The following TRAP1 variants were observed in gnomAD, a reference collection of about 807,000 sequenced individuals.
The protein encoded by TRAP1 is TNF receptor associated protein 1.
In TRAP1, 102 loss-of-function variants were observed where a neutral mutation model predicts 89.1. That is an observed-to-expected ratio of 1.15 (90% CI 0.98 to 1.35). TRAP1 has a LOEUF of 1.35. Ranked by LOEUF, TRAP1 falls within the 40% of genes most tolerant of loss-of-function variation. TRAP1 has a pLI of 0.00. For synonymous variants in TRAP1, 508 were observed against 388.0 expected (o/e 1.31, Z -3.64); for missense variants, 1,256 against 945.3 (o/e 1.33, Z -4.31).
chr16:3,675,745 T>A (rs2151255991), intron 7 of TRAP1, among the ~76,000 whole-genome samples: 1 of 152,300 alleles, frequency 6.6e-6, no homozygotes, highest in East Asian at 1.9e-4. Context: ...GCCCACATCC[T>A]GGGACAGGAC....
intron 1 of TRAP1, among the ~76,000 whole-genome samples, chr16:3,705,788 T>G (rs1446617463): frequency 6.6e-6 from 1 of 152,060 alleles, no homozygotes; most frequent in African/African-American, 2.4e-5. Flanking sequence ...CAAGTGATTC[T>G]CCTGCCTCAG....
At chr16:3,666,248 C>G (rs2050827316) in intron 11 of TRAP1, 130 bp from the exon 12 acceptor site, 1 of 1,193,102 alleles carries the variant, frequency 8.4e-7, no homozygotes, top group Non-Finnish European at 1.1e-6. Flanking sequence ...CGTTATTGGC[C>G]AAACTGAAAA....
intron 1 of TRAP1, among the ~76,000 whole-genome samples, chr16:3,710,637 C>T (rs1163770793): frequency 6.6e-6 from 1 of 152,064 alleles, no homozygotes; most frequent in Non-Finnish European, 1.5e-5. Context: ...ATTCCATTGC[C>T]TGACAAATGC....
chr16:3,672,562 GACAC>G lies in TRAP1; in HGVS notation c.1165+134_1165+137del, dbSNP rs1200486978. 6 of 1,358,064 alleles carry G rather than the reference GACAC, an allele frequency of 4.4e-6. No individual in the cohort carries two copies. The South Asian group carries it at 4.5e-5, about 10-fold the overall frequency. 84.1% of individuals were successfully genotyped at this position (1,358,064 alleles called of 1,614,324 possible). A position where few individuals can be genotyped will look rare whatever the true frequency, so the allele number is the denominator to read the frequency against. On this transcript the variant is annotated intron_variant, in intron 10 of 17. Transcript: ENST00000246957. The stretch of plus-strand genomic sequence containing the variant: ...GCTCCCGGGGTCTGTAAACGCGACT[GACAC>G]ACAGGCAGCGCAGGCCGACGGCGGT...
intron 7 of TRAP1, among the ~76,000 whole-genome samples, chr16:3,675,782 G>A (rs897373523): frequency 6.6e-6 from 1 of 152,214 alleles, no homozygotes; most frequent in Non-Finnish European, 1.5e-5. Flanking sequence ...GTGCACTAAA[G>A]GCCAAGGGCC....
intron 1 of TRAP1, among the ~76,000 whole-genome samples, chr16:3,698,597 C>T (rs866706371): frequency 5.3e-5 from 8 of 151,854 alleles, no homozygotes; most frequent in Admixed American, 2.0e-4. Context: ...CCACCGCGCC[C>T]GGCTTCTACA....
At chr16:3,704,724 T>G (rs943436421) in intron 1 of TRAP1, among the ~76,000 whole-genome samples, 1 of 152,000 alleles carries the variant, frequency 6.6e-6, no homozygotes. Context: ...AAGGTTAAAT[T>G]AATTTCCAGC....
At chr16:3,676,805 C>T (rs971345100) in intron 6 of TRAP1, 1 of 152,664 alleles carries the variant, frequency 6.6e-6, no homozygotes, top group Admixed American at 6.5e-5. Context: ...TCTATAATCC[C>T]AGCACTTTGG....
At chr16:3,658,489 C>T in intron 17 of TRAP1, 1 of 575,674 alleles carries the variant, frequency 1.7e-6, no homozygotes, top group South Asian at 2.1e-5. Context: ...TGAGACCATC[C>T]TGGCCAAGAT....
Position 3,672,831 on chromosome 16 carries a change from G to A in TRAP1, c.1045-11C>T. 6.2e-7 allele frequency: 1 copy of A among 1,610,644 alleles called. No homozygotes were observed. The highest frequency in any genetic ancestry group is 8.5e-7 in the Non-Finnish European group (1 of 1,178,868). On this transcript the variant is annotated splice_polypyrimidine_tract_variant and intron_variant, in intron 9 of 17. Transcript: ENST00000246957. ...AAACATGGACGGTTTCTGGGGGTGA[G>A]GAGAACACGCCATCATGCAGCACTG...
chr16:3,710,954 T>A (rs1596759361), intron 1 of TRAP1, among the ~76,000 whole-genome samples: 1 of 146,228 alleles, frequency 6.8e-6, no homozygotes, highest in Admixed American at 6.9e-5. Context: ...CACTGCAGCC[T>A]CGACTTCTCA....
chr16:3,684,776 CCA>C (rs2051116816), intron 4 of TRAP1, among the ~76,000 whole-genome samples: 1 of 152,018 alleles, frequency 6.6e-6, no homozygotes, highest in Admixed American at 6.6e-5. Context: ...GGCGACACAG[CCA>C]CACTCTGTCT....
chr16:3,714,106 T>C (rs2051566932), intron 1 of TRAP1, among the ~76,000 whole-genome samples: 2 of 152,142 alleles, frequency 1.3e-5, no homozygotes, highest in South Asian at 2.1e-4. Flanking sequence ...AAAACAGCCT[T>C]GGACACTCGG....
intron 9 of TRAP1, among the ~76,000 whole-genome samples, chr16:3,673,750 C>A (rs1451119462): frequency 2.0e-5 from 3 of 152,148 alleles, no homozygotes; most frequent in Non-Finnish European, 4.4e-5. Context: ...GGGGGCAGGA[C>A]GGGCTGGCTC....
intron 16 of TRAP1, chr16:3,660,255 C>T (rs1469091661): frequency 6.6e-6 from 1 of 152,224 alleles, no homozygotes; most frequent in Non-Finnish European, 1.5e-5. Context: ...GCTGGCTGCA[C>T]TGGGGACACA....
chr16:3,693,735 G>A (rs4786431), intron 1 of TRAP1, among the ~76,000 whole-genome samples: 6,296 of 152,286 alleles, frequency 0.041, 172 homozygotes, highest in Admixed American at 0.057. Context: ...CCTCACACCT[G>A]TAATCCCAGC....
chr16:3,705,221 C>T (rs998142407), intron 1 of TRAP1, among the ~76,000 whole-genome samples: 2 of 152,078 alleles, frequency 1.3e-5, no homozygotes, highest in Non-Finnish European at 2.9e-5. Flanking sequence ...CCCGCCACCA[C>T]ACCCGGCTAA....
At chr16:3,666,502 T>C (rs1479034157) in intron 11 of TRAP1, among the ~76,000 whole-genome samples, 1 of 151,990 alleles carries the variant, frequency 6.6e-6, no homozygotes, top group East Asian at 1.9e-4. Context: ...AATATAACAA[T>C]TATGAACAAC....
At chr16:3,711,907 A>C (rs1301210359) in intron 1 of TRAP1, among the ~76,000 whole-genome samples, 2 of 152,132 alleles carry the variant, frequency 1.3e-5, no homozygotes, top group Non-Finnish European at 2.9e-5. Flanking sequence ...GGCACCAAAA[A>C]CGCCATCCAT....
Sources: gnomAD v4.1 joint callset for allele counts (sites outside exome capture counted in the v4.1 genomes callset) on GRCh38, gnomAD v4.1.1 for gene constraint, MANE v1.5 for transcripts, NCBI Gene and HGNC (gene_info 2026-07-23, HGNC 2026-07-21) for gene names.